KMT2B: variants seen among roughly 807,000 people sequenced by gnomAD.
KMT2B encodes the protein lysine methyltransferase 2B, also known as histone-lysine N-methyltransferase 2B.
A neutral mutation model predicts 255.3 loss-of-function variants in KMT2B; 22 were observed. That is an observed-to-expected ratio of 0.09 (90% CI 0.06 to 0.12). The LOEUF is 0.12. Ranked by LOEUF, KMT2B falls within the 10% of genes least tolerant of loss-of-function variation. KMT2B has a pLI of 1.00. For synonymous variants in KMT2B, 1,730 were observed against 1,498.1 expected (o/e 1.15, Z -3.57); for missense variants, 3,149 against 3,737.0 (o/e 0.84, Z 4.10).
chr19:35,732,938 G>T lies in KMT2B; in HGVS notation c.6389G>T (p.Gly2130Val). 6.2e-7 allele frequency: 1 copy of T among 1,607,808 alleles called. No individual in the cohort carries two copies. Residue 2130 changes from glycine (G) to valine (V), a missense_variant, in exon 28 of 37, where the codon GGC becomes GTC. Gly to Val is a moderately radical substitution (Grantham distance 109). This residue lies in a region of KMT2B where 897 missense variants were observed against 825.3 expected (regional missense o/e 1.09). Transcript: ENST00000420124. ...GGGGGTCCTGGGGATGGAGGTGCTG[G>T]CCCTAGAGAGGAGTCACTCCCCCCG... ...NLGGPGDGGA[G>V]PREESLPPAP...
Position 35,725,792 on chromosome 19 carries a change from C to A in KMT2B, c.3859C>A (p.Arg1287=). 6.3e-7 allele frequency: 1 copy of A among 1,590,424 alleles called. No homozygotes were observed. The highest frequency in any genetic ancestry group is 1.1e-5 in the South Asian group (1 of 88,212). ...CTGTCTGGGGCCCAGCTATCCAACC[C>A]GGGCCACGCGCAAACGGCGCCACTG... ...PACLGPSYPT[R]ATRKRRHWIC... The change falls in exon 13 of 37, where the codon CGG becomes AGG. Residue 1287 remains arginine, a synonymous_variant. Coordinates refer to ENST00000420124, the MANE Select transcript of KMT2B (RefSeq NM_014727.3). This position sits in a 1 kb window ranked among gnomAD's most constrained non-coding sequence, Gnocchi z 4.1.
chr19:35,725,547 G>A lies in KMT2B; in HGVS notation c.3711G>A (p.Leu1237=), dbSNP rs111726564. The A allele has an allele frequency of 2.3e-4, 378 of 1,610,944 alleles. 6 individuals are homozygous for A. In the Middle Eastern group the frequency reaches 6.6e-3, roughly 28 times the overall value. The change falls in exon 12 of 37, where the codon CTG becomes CTA. Residue 1237 remains leucine (L), a synonymous_variant. Coordinates refer to ENST00000420124, the MANE Select transcript of KMT2B (RefSeq NM_014727.3). This position sits in a 1 kb window ranked among gnomAD's most constrained non-coding sequence, Gnocchi z 4.1. ...PFCLEEAERP[L]PQHHDTWCCR... ...GCCTGGAGGAGGCCGAGCGGCCCCTGCCCCAGCATCACGACACCTGGTGCT... is the reference window on the plus strand; with the variant it reads ...GCCTGGAGGAGGCCGAGCGGCCCCTACCCCAGCATCACGACACCTGGTGCT...
intron 5 of KMT2B, 84 bp downstream of exon 5, chr19:35,722,802 G>A: frequency 1.3e-6 from 2 of 1,503,790 alleles, no homozygotes; most frequent in South Asian, 2.7e-5. Context: ...TAGGAGAGAG[G>A]GAGCCAAGTC....
In KMT2B at chr19:35,725,821, G is replaced by A. The variant is rs1368154061; in HGVS notation, c.3885+3G>A. 6.4e-7 allele frequency: 1 copy of A among 1,565,530 alleles called. No individual in the cohort carries two copies. Among genetic ancestry groups the A allele is most frequent in the Middle Eastern group, 1.7e-4 (1 of 6,002 alleles). On this transcript the variant is annotated splice_donor_region_variant and intron_variant, in intron 13 of 36. Transcript: ENST00000420124. The surrounding 1 kb of genome is among the most constrained non-coding windows in gnomAD (Gnocchi z 4.1). ...CCACGCGCAAACGGCGCCACTGGGT[G>A]AGAGATGAGGTTCACCCACTTGCTT...
rs1437104773 is a variant in KMT2B at position 35,721,245 on chromosome 19, C to T, written c.1898C>T (p.Pro633Leu). Residue 633 changes from proline (P) to leucine (L), a missense_variant, in exon 3 of 37, where the codon CCA becomes CTA. Coordinates refer to ENST00000420124, the MANE Select transcript of KMT2B (RefSeq NM_014727.3). Reference sequence around the variant, plus strand: ...CCTCCACCTCCCCCGGCCCCCTCCCCACCCCCTGCTCCTGCCACCTCCTCC... The same window carrying T: ...CCTCCACCTCCCCCGGCCCCCTCCCTACCCCCTGCTCCTGCCACCTCCTCC... ...PAPPPPPAPS[P>L]PPAPATSSRR... is the part of the protein sequence containing the mutation. 2.0e-6 allele frequency: 3 copies of T among 1,517,454 alleles called. No individual in the cohort carries two copies. Among genetic ancestry groups the T allele is most frequent in the Admixed American group, 2.0e-5 (1 of 50,316 alleles). 94.0% of individuals were successfully genotyped at this position (1,517,454 alleles called of 1,614,324 possible). A position where few individuals can be genotyped will look rare whatever the true frequency, so the allele number is the denominator to read the frequency against.
chr19:35,736,385 A>G (rs531190866), intron 30 of KMT2B: 25 of 349,212 alleles, frequency 7.2e-5, no homozygotes, highest in Non-Finnish European at 1.2e-4. Context: ...GATGGGATGT[A>G]TGGTACACTG....
At chr19:35,734,205 G>A (rs1969833833) in intron 30 of KMT2B, among the ~76,000 whole-genome samples, 1 of 152,060 alleles carries the variant, frequency 6.6e-6, no homozygotes, top group Non-Finnish European at 1.5e-5. Context: ...ATCATCTAGA[G>A]GGAATGCAGC....
In KMT2B at chr19:35,724,669, C is replaced by T. The variant is rs1969361788; in HGVS notation, c.3367C>T (p.Arg1123Trp). 1.2e-6 allele frequency: 2 copies of T among 1,602,508 alleles called. No individual in the cohort carries two copies. The highest frequency in any genetic ancestry group is 1.7e-6 in the Non-Finnish European group (2 of 1,174,988). Residue 1123 changes from arginine to tryptophan, a missense_variant, in exon 9 of 37, where the codon CGG becomes TGG. Coordinates refer to ENST00000420124, the MANE Select transcript of KMT2B (RefSeq NM_014727.3). Reference sequence around the variant, plus strand: ...ACTGCCAGAACCTGAGGAGCAGAGCCGGCCCCGCAAACCTACCCTGCAGCC... The same window carrying T: ...ACTGCCAGAACCTGAGGAGCAGAGCTGGCCCCGCAAACCTACCCTGCAGCC... ...LPLPEPEEQS[R>W]PRKPTLQPVL...
At position 35,733,838 on chromosome 19, in the gene KMT2B, C is replaced by T. The variant is rs773217473; in HGVS notation, c.7125C>T (p.Asp2375=). 1.9e-5 allele frequency: 31 copies of T among 1,613,586 alleles called. No individual in the cohort carries two copies. The highest frequency in any genetic ancestry group is 2.5e-5 in the Non-Finnish European group (30 of 1,179,686). ...CCCAGGTCCCCGATGGTCCCCCAGA[C>T]CTGCTGCTTGAGTCCCAGTGGCACC... ...GPPQVPDGPP[D]LLLESQWHHY... is the part of the protein sequence containing the mutation. The change falls in exon 30 of 37, where the codon GAC becomes GAT. Residue 2375 remains aspartate, a synonymous_variant. Transcript: ENST00000420124. This position sits in a 1 kb window ranked among gnomAD's most constrained non-coding sequence, Gnocchi z 4.3.
chr19:35,732,178 G>T, intron 27 of KMT2B, 37 bp from the exon 28 acceptor site: 5 of 1,569,658 alleles, frequency 3.2e-6, no homozygotes, highest in Non-Finnish European at 4.3e-6. Context: ...AGCCGCGGAG[G>T]TGGGAGCTGC....
In KMT2B at chr19:35,725,395, C is replaced by G; in HGVS notation, c.3642+62C>G. ...TCTGTCGGTCCTCACGGCCTGATTC[C>G]TTGGGCCCTCTCAGCTGGGTCTCAT... is the stretch of plus-strand genomic sequence containing the variant. On this transcript the variant is annotated intron_variant, in intron 11 of 36. Transcript: ENST00000420124. The surrounding 1 kb of genome is among the most constrained non-coding windows in gnomAD (Gnocchi z 4.1). 6.3e-7 allele frequency: 1 copy of G among 1,577,392 alleles called. No individual in the cohort carries two copies. Among genetic ancestry groups the G allele is most frequent in the Middle Eastern group, 1.7e-4 (1 of 5,910 alleles).
At position 35,720,479 on chromosome 19, in the gene KMT2B, G is replaced by A. The variant is rs768486033; in HGVS notation, c.1132G>A (p.Gly378Arg). 11 of 1,551,814 alleles carry A rather than the reference G, an allele frequency of 7.1e-6. No homozygotes were observed. The South Asian group carries it at 7.1e-5, about 10-fold the overall frequency. Reference sequence around the variant, plus strand: ...AGAAGAAGAAGAAAAAGACAAGGAGGGAGAAGAGAAGGAAGAAAGAGCTGT... The same window carrying A: ...AGAAGAAGAAGAAAAAGACAAGGAGAGAGAAGAGAAGGAAGAAAGAGCTGT... ...KKEEEEKDKE[G>R]EEKEERAVAE... The change falls in exon 3 of 37, where the codon GGA (glycine) becomes AGA (arginine). Residue 378 changes from glycine to arginine, a missense_variant. Gly to Arg is a moderately radical substitution (Grantham distance 125). Transcript: ENST00000420124.
At chr19:35,736,411 T>C (rs1599702217) in intron 30 of KMT2B, 3 of 449,710 alleles carry the variant, frequency 6.7e-6, no homozygotes, top group East Asian at 3.7e-5. Context: ...GAGTGAGCCA[T>C]AGGCGTGTCC....
At chr19:35,735,465 C>T (rs536253743) in intron 30 of KMT2B, 3 of 152,464 alleles carry the variant, frequency 2.0e-5, no homozygotes, top group East Asian at 3.9e-4. Context: ...GTCCTGCCTC[C>T]TTGCTCACAG....
Position 35,727,635 on chromosome 19 carries a change from C to T in KMT2B, c.4302+13C>T. The stretch of plus-strand genomic sequence containing the variant: ...GCTCTGCACCCAGGTCTGGAGGGCC[C>T]TGGAGGCAGGATGGGCCGGGGCTAG... On this transcript the variant is annotated intron_variant, in intron 16 of 36. Coordinates refer to ENST00000420124, the MANE Select transcript of KMT2B (RefSeq NM_014727.3). This position sits in a 1 kb window ranked among gnomAD's most constrained non-coding sequence, Gnocchi z 4.2. The T allele has an allele frequency of 1.2e-6, 2 of 1,611,432 alleles. No homozygotes were observed. The highest frequency in any genetic ancestry group is 1.7e-6 in the Non-Finnish European group (2 of 1,179,116).
Position 35,732,055 on chromosome 19 carries a change from G to T in KMT2B, c.5585G>T (p.Gly1862Val), listed in dbSNP as rs1969719214. Reference sequence around the variant, plus strand: ...CCTCCAGCCCCCCGTTCTTTTTCGGGGGCTCGAATCAAAGTGCCCAACTAC... The same window carrying T: ...CCTCCAGCCCCCCGTTCTTTTTCGGTGGCTCGAATCAAAGTGCCCAACTAC... Reference protein sequence around the residue: ...APPPAPRSFSGARIKVPNYSP... With the variant: ...APPPAPRSFSVARIKVPNYSP... The change falls in exon 27 of 37, where the codon GGG becomes GTG. Residue 1862 changes from glycine (G) to valine (V), a missense_variant. Around this residue, in one of 18 missense-constraint regions of KMT2B, gnomAD observed 897 missense variants for 825.3 expected, o/e 1.09. Coordinates refer to ENST00000420124, the MANE Select transcript of KMT2B (RefSeq NM_014727.3). 1 of 1,611,592 alleles carries T rather than the reference G, an allele frequency of 6.2e-7. No homozygotes were observed. The highest frequency in any genetic ancestry group is 8.5e-7 in the Non-Finnish European group (1 of 1,179,040).
In KMT2B at chr19:35,727,585, G is replaced by A. The variant is rs766308874; in HGVS notation, c.4265G>A (p.Ser1422Asn). Residue 1422 changes from serine (S) to asparagine (N), a missense_variant, in exon 16 of 37, where the codon AGC becomes AAC. Ser to Asn is a conservative substitution (Grantham distance 46). Coordinates refer to ENST00000420124, the MANE Select transcript of KMT2B (RefSeq NM_014727.3). This position sits in a 1 kb window ranked among gnomAD's most constrained non-coding sequence, Gnocchi z 4.2. ...CGCCAGGTGCTCCAGGGCCTGCTGAGCTCCAAGGTGGTGGGCCCACTGCTG... is the reference window on the plus strand; with the variant it reads ...CGCCAGGTGCTCCAGGGCCTGCTGAACTCCAAGGTGGTGGGCCCACTGCTG... ...GLRQVLQGLL[S>N]SKVVGPLLLC... 2.2e-5 allele frequency: 35 copies of A among 1,605,906 alleles called. No individual in the cohort carries two copies. The highest frequency in any genetic ancestry group is 2.9e-5 in the Non-Finnish European group (34 of 1,177,448).
In KMT2B at chr19:35,719,811, A is replaced by G. The variant is rs1216840899; in HGVS notation, c.464A>G (p.Lys155Arg). 4 of 1,604,476 alleles carry G rather than the reference A, an allele frequency of 2.5e-6. No individual in the cohort carries two copies. The African/African-American group carries it at 5.4e-5, about 22-fold the overall frequency. Residue 155 changes from lysine (K) to arginine (R), a missense_variant, in exon 3 of 37, where the codon AAG (lysine) becomes AGG (arginine). Transcript: ENST00000420124. ...CGAGCGCCCCGAGGTCGGGGTCGCA[A>G]GCATAAGACGACCCCCCTTCCTCCT... ...RGRAPRGRGR[K>R]HKTTPLPPPR...
rs1029528711 is a variant in KMT2B at position 35,727,041 on chromosome 19, G to T, written c.4004-115G>T. On this transcript the variant is annotated intron_variant, in intron 14 of 36. Coordinates refer to ENST00000420124, the MANE Select transcript of KMT2B (RefSeq NM_014727.3). The surrounding 1 kb of genome is among the most constrained non-coding windows in gnomAD (Gnocchi z 4.2). ...AAGGAGCTTTTAGGGACTAGTAGGG[G>T]CCCAAAACAGGGGCATAGTGGAGGC... 2 of 646,550 alleles carry T rather than the reference G, an allele frequency of 3.1e-6. No homozygotes were observed. The highest frequency in any genetic ancestry group is 3.9e-5 in the South Asian group (2 of 51,698). The allele number at this position is 646,550 out of a possible 1,614,324, so 40.1% of individuals were successfully genotyped here. A position where few individuals can be genotyped will look rare whatever the true frequency, so the allele number is the denominator to read the frequency against.
Sources: gnomAD v4.1 joint callset for allele counts (sites outside exome capture counted in the v4.1 genomes callset) on GRCh38, gnomAD v4.1.1 for gene constraint, gnomAD v4.1.1 regional missense constraint, Gnocchi (gnomAD v3.1) non-coding constraint, MANE v1.5 for transcripts, NCBI Gene and HGNC (gene_info 2026-07-23, HGNC 2026-07-21) for gene names.